GPATCH8: variants seen among roughly 807,000 people sequenced by gnomAD.
The protein encoded by GPATCH8 is G-patch domain containing 8.
In GPATCH8, 18 loss-of-function variants were observed where a neutral mutation model predicts 118.3. The ratio of observed to expected loss-of-function variants is 0.15; its 90% CI spans 0.11 to 0.23. The LOEUF is 0.23. Ranked by LOEUF, GPATCH8 falls within the 10% of genes least tolerant of loss-of-function variation. The pLI, the probability that GPATCH8 is intolerant of heterozygous loss-of-function variation, is 1.00. For synonymous variants in GPATCH8, 659 were observed against 684.7 expected, an observed-to-expected ratio of 0.96 and a Z score of 0.59; for missense variants, 1,631 against 1,873.8, an observed-to-expected ratio of 0.87 and a Z score of 2.39.
At chr17:44,473,453 A>G (rs774402506) in intron 2 of GPATCH8, 2 of 152,186 alleles carry the variant, frequency 1.3e-5, no homozygotes, top group Non-Finnish European at 2.9e-5. Flanking sequence ...GTGATTTTTA[A>G]CTTAGCAAAG....
In GPATCH8 at chr17:44,397,004, ATATCAGG is replaced by A. The variant is rs2048802619; in HGVS notation, c.*557_*563del. On this transcript the variant is annotated 3_prime_UTR_variant, in exon 8 of 8. Transcript: ENST00000591680. The stretch of plus-strand genomic sequence containing the variant: ...ACTGGATGGAATTGCAGCCTGAGTT[ATATCAGG>A]TTCCAGGTGAGACGCTTTCCACCTC... 2.2e-6 allele frequency: 1 copy of A among 453,888 alleles called. No homozygotes were observed. Among genetic ancestry groups the A allele is most frequent in the Admixed American group, 2.4e-5 (1 of 42,536 alleles). The allele number at this position is 453,888 out of a possible 1,614,324, so 28.1% of individuals were successfully genotyped here.
At chr17:44,473,998 G>A (rs1022152484) in intron 2 of GPATCH8, among the ~76,000 whole-genome samples, 1 of 152,180 alleles carries the variant, frequency 6.6e-6, no homozygotes, top group Admixed American at 6.6e-5. Flanking sequence ...GGCTTGTCAT[G>A]ATGGTTATAA....
At chr17:44,448,606 C>T (rs942422929) in intron 3 of GPATCH8, among the ~76,000 whole-genome samples, 1 of 148,916 alleles carries the variant, frequency 6.7e-6, no homozygotes, top group Non-Finnish European at 1.5e-5. Context: ...AAACAAACCA[C>T]TATCACTATA....
rs377169871 is a variant in GPATCH8, at chr17:44,480,444, G to A, written c.46-5541C>T. Among the ~76,000 whole-genome samples the A allele has an allele frequency of 1.8e-4, 28 of 152,146 alleles. No homozygotes were observed. The South Asian group carries it at 2.3e-3, about 12-fold the overall frequency. The stretch of plus-strand genomic sequence containing the variant: ...AAAAATACAAAAATTGGCCAGGCGC[G>A]GTGGTTCACGTCTATAATCCCAGCA... On this transcript the variant is annotated intron_variant, in intron 1 of 7. Coordinates refer to ENST00000591680, the MANE Select transcript of GPATCH8 (RefSeq NM_001002909.4).
chr17:44,425,674 G>A (rs984707296), intron 5 of GPATCH8, among the ~76,000 whole-genome samples: 1 of 152,114 alleles, frequency 6.6e-6, no homozygotes, highest in African/African-American at 2.4e-5. Context: ...GACTATAGGC[G>A]TGTACCAGCA....
Position 44,401,457 on chromosome 17 carries a change from C to G in GPATCH8, c.624-4G>C. On this transcript the variant is annotated splice_polypyrimidine_tract_variant and splice_region_variant and intron_variant, in intron 7 of 7. Transcript: ENST00000591680. ...CATGGGACCACTTCCAGGTGCACTACATGATGATTTAGAAAAATAAAAAAC... is the reference window on the plus strand; with the variant it reads ...CATGGGACCACTTCCAGGTGCACTAGATGATGATTTAGAAAAATAAAAAAC... The G allele has an allele frequency of 1.9e-6, 3 of 1,582,472 alleles. No individual in the cohort carries two copies. The African/African-American group carries it at 4.0e-5, about 21-fold the overall frequency.
At position 44,398,733 on chromosome 17, in the gene GPATCH8, G is replaced by C. The variant is rs199550144; in HGVS notation, c.3344C>G (p.Thr1115Ser). ...GAGCTTGGGCCCAGCTTTATTAGGG[G>C]TGGCCTGCACCTCCTCACTCACACT... Reference protein sequence around the residue: ...KPSVSEEVQATPNKAGPKLKD... With the variant: ...KPSVSEEVQASPNKAGPKLKD... The change falls in exon 8 of 8, where the codon ACC becomes AGC. Residue 1115 changes from threonine (T) to serine (S), a missense_variant. Physicochemically the swap from Thr to Ser is moderately conservative, Grantham distance 58. Transcript: ENST00000591680. 1 of 1,611,138 alleles carries C rather than the reference G, an allele frequency of 6.2e-7. No individual in the cohort carries two copies. The highest frequency in any genetic ancestry group is 8.5e-7 in the Non-Finnish European group (1 of 1,177,872).
chr17:44,482,812 A>G (rs1283510496), intron 1 of GPATCH8, among the ~76,000 whole-genome samples: 1 of 151,886 alleles, frequency 6.6e-6, no homozygotes, highest in Non-Finnish European at 1.5e-5. Context: ...AAACATGTAC[A>G]GAGCAGCTCT....
chr17:44,438,598 C>G (rs1374243677), intron 3 of GPATCH8: 1 of 152,028 alleles, frequency 6.6e-6, no homozygotes, highest in Non-Finnish European at 1.5e-5. Context: ...AAGGCTACAA[C>G]AGAGAAAGTA....
chr17:44,495,861 T>C (rs2144493565), intron 1 of GPATCH8, among the ~76,000 whole-genome samples: 1 of 152,224 alleles, frequency 6.6e-6, no homozygotes, highest in Middle Eastern at 3.4e-3. Flanking sequence ...TAGCTTTAAT[T>C]TCTTTTTTTG....
chr17:44,495,955 C>A (rs139180887), intron 1 of GPATCH8, among the ~76,000 whole-genome samples: 1,981 of 152,310 alleles, frequency 0.013, 44 homozygotes, highest in African/African-American at 0.045. Flanking sequence ...GCAACCTCCA[C>A]CTCCCAGGTT....
At chr17:44,461,868 G>A (rs984909940) in intron 3 of GPATCH8, among the ~76,000 whole-genome samples, 108 of 148,540 alleles carry the variant, frequency 7.3e-4, no homozygotes, top group African/African-American at 2.5e-3. Context: ...TTTTTGGGGG[G>A]TGGGGTGTAG....
intron 3 of GPATCH8, among the ~76,000 whole-genome samples, chr17:44,443,341 A>G (rs2050767038): frequency 6.6e-6 from 1 of 152,240 alleles, no homozygotes; most frequent in Non-Finnish European, 1.5e-5. Context: ...AAAAAATGGT[A>G]CATTTATTTC....
At chr17:44,469,467 T>C (rs1967101290) in intron 2 of GPATCH8, among the ~76,000 whole-genome samples, 1 of 152,182 alleles carries the variant, frequency 6.6e-6, no homozygotes, top group Admixed American at 6.5e-5. Flanking sequence ...CTGTAAGTTT[T>C]TACAGTAGGA....
intron 6 of GPATCH8, among the ~76,000 whole-genome samples, chr17:44,412,239 A>G (rs1412609389): frequency 6.6e-5 from 10 of 152,010 alleles, no homozygotes; most frequent in Non-Finnish European, 1.5e-4. Flanking sequence ...ATTTTTTTAA[A>G]TTAGTTGGGC....
intron 3 of GPATCH8, among the ~76,000 whole-genome samples, chr17:44,457,730 T>A (rs2051387642): frequency 6.6e-6 from 1 of 152,098 alleles, no homozygotes; most frequent in East Asian, 1.9e-4. Context: ...GCCCAGGAGT[T>A]CGAGACCAGC....
At chr17:44,402,249 G>A (rs1388552875) in intron 7 of GPATCH8, among the ~76,000 whole-genome samples, 2 of 146,526 alleles carry the variant, frequency 1.4e-5, no homozygotes, top group East Asian at 4.1e-4. Flanking sequence ...GAACCTGGGA[G>A]AGGCAGAGGT....
At chr17:44,459,335 T>C (rs962492855) in intron 3 of GPATCH8, among the ~76,000 whole-genome samples, 2 of 152,210 alleles carry the variant, frequency 1.3e-5, no homozygotes, top group African/African-American at 4.8e-5. Flanking sequence ...GTGTTAATAA[T>C]AAGCATATAT....
chr17:44,401,195 T>C lies in GPATCH8; in HGVS notation c.882A>G (p.Pro294=), dbSNP rs754790423. The change falls in exon 8 of 8, where the codon CCA becomes CCG. Residue 294 remains proline, a synonymous_variant. Coordinates refer to ENST00000591680, the MANE Select transcript of GPATCH8 (RefSeq NM_001002909.4). ...AAAATGACACTCCCAATTTTTGCAA[T>C]GGGGTCCCCAGATTATTCTTAATGC... The part of the protein sequence containing the change: ...SFGIKNNLGT[P]LQKLGVSFSF... 1.1e-5 allele frequency: 18 copies of C among 1,614,044 alleles called. No homozygotes were observed. Among genetic ancestry groups the C allele is most frequent in the Non-Finnish European group, 1.5e-5 (18 of 1,180,010 alleles).
Sources: gnomAD v4.1 joint callset for allele counts (sites outside exome capture counted in the v4.1 genomes callset) on GRCh38, gnomAD v4.1.1 for gene constraint, MANE v1.5 for transcripts, NCBI Gene and HGNC (gene_info 2026-07-23, HGNC 2026-07-21) for gene names.